NLGN1: variants seen among roughly 807,000 people sequenced by gnomAD.
NLGN1 encodes neuroligin 1.
NLGN1 carries 12 observed loss-of-function variants against 65.5 expected under a neutral mutation model. That is an observed-to-expected ratio of 0.18 (90% CI 0.12 to 0.30). NLGN1 has a LOEUF of 0.30. Ranked by LOEUF, NLGN1 falls within the 10% of genes least tolerant of loss-of-function variation. The pLI is 1.00. For synonymous variants in NLGN1, 350 were observed against 359.5 expected (o/e 0.97, Z 0.30); for missense variants, 750 against 1,007.1 (o/e 0.74, Z 3.46).
At chr3:173,812,950 G>A (rs1718273390) in intron 4 of NLGN1, among the ~76,000 whole-genome samples, 1 of 150,358 alleles carries the variant, frequency 6.7e-6, no homozygotes, top group South Asian at 2.1e-4. Flanking sequence ...GAGAAAAACA[G>A]TAGAGAATAA....
intron 4 of NLGN1, among the ~76,000 whole-genome samples, chr3:173,821,656 A>G (rs4894631): frequency 0.13 from 19,446 of 152,098 alleles, 1,419 homozygotes; most frequent in African/African-American, 0.2. Flanking sequence ...TTTATAGTCT[A>G]CAATTCATAT....
rs116680613 is a variant in NLGN1 at position 173,459,758 on chromosome 3, G to A, written c.-321+24680G>A. 1.4e-3 allele frequency among the ~76,000 whole-genome samples: 214 copies of A among 152,126 alleles called. 2 individuals carry two copies. Among genetic ancestry groups the A allele is most frequent in the Non-Finnish European group, 2.4e-3 (165 of 67,978 alleles). ...AGCCATACACAGACCTATTTCAAGA[G>A]TCCTTATAATATGTTTGAGTAATAG... is the stretch of plus-strand genomic sequence containing the variant. On this transcript the variant is annotated intron_variant, in intron 2 of 6. Coordinates refer to ENST00000457714, the Ensembl canonical transcript of NLGN1.
intron 2 of NLGN1, among the ~76,000 whole-genome samples, chr3:173,544,535 T>C (rs545521558): frequency 2.3e-4 from 35 of 152,060 alleles, no homozygotes; most frequent in South Asian, 8.3e-4. Flanking sequence ...TTCCATTCCC[T>C]GAAAATGAGA....
chr3:174,040,171 T>C (rs1322652508), intron 4 of NLGN1, among the ~76,000 whole-genome samples: 1 of 152,132 alleles, frequency 6.6e-6, no homozygotes, highest in African/African-American at 2.4e-5. Context: ...TTTTTTGGCC[T>C]ACTCCCCTCT....
chr3:174,136,734 G>A (rs1721289505), intron 4 of NLGN1, among the ~76,000 whole-genome samples: 1 of 152,072 alleles, frequency 6.6e-6, no homozygotes, highest in Non-Finnish European at 1.5e-5. Flanking sequence ...TAGCTTTATT[G>A]CAGCACTTAT....
intron 3 of NLGN1, among the ~76,000 whole-genome samples, chr3:173,646,857 G>A (rs1489032806): frequency 6.6e-6 from 1 of 152,064 alleles, no homozygotes; most frequent in Non-Finnish European, 1.5e-5. Context: ...TCACATTGAA[G>A]GCAAATGTTT....
chr3:173,537,191 A>G (rs1463456647), intron 2 of NLGN1, among the ~76,000 whole-genome samples: 1 of 152,174 alleles, frequency 6.6e-6, no homozygotes, highest in African/African-American at 2.4e-5. Flanking sequence ...CAGGTTGACA[A>G]ATAAAATTAA....
At chr3:173,784,241 A>G (rs1781614382) in intron 3 of NLGN1, among the ~76,000 whole-genome samples, 1 of 152,170 alleles carries the variant, frequency 6.6e-6, no homozygotes, top group Non-Finnish European at 1.5e-5. Context: ...GTAAAACTTG[A>G]GTTTCAACAG....
chr3:173,475,783 AT>A (rs1365477830), intron 2 of NLGN1, among the ~76,000 whole-genome samples: 1 of 152,160 alleles, frequency 6.6e-6, no homozygotes, highest in African/African-American at 2.4e-5. Context: ...GATTTACAAA[AT>A]TTTTGGATGT....
At chr3:173,763,841 T>C (rs1458488713) in intron 3 of NLGN1, among the ~76,000 whole-genome samples, 2 of 151,962 alleles carry the variant, frequency 1.3e-5, no homozygotes, top group African/African-American at 4.8e-5. Flanking sequence ...GGAAACAATA[T>C]GAGGAATGTT....
chr3:174,118,215 C>G (rs749941106), intron 4 of NLGN1, among the ~76,000 whole-genome samples: 9 of 151,980 alleles, frequency 5.9e-5, no homozygotes, highest in Non-Finnish European at 8.8e-5. Context: ...TTCTCATGAC[C>G]CTAATCACTT....
intron 4 of NLGN1, among the ~76,000 whole-genome samples, chr3:174,021,484 A>G (rs1171218421): frequency 6.6e-6 from 1 of 152,142 alleles, no homozygotes; most frequent in Non-Finnish European, 1.5e-5. Context: ...CATCCAAGGA[A>G]AACAATAAGA....
chr3:173,764,293 A>G (rs1463347587), intron 3 of NLGN1, among the ~76,000 whole-genome samples: 1 of 152,200 alleles, frequency 6.6e-6, no homozygotes, highest in Non-Finnish European at 1.5e-5. Flanking sequence ...ATGTGCAGAA[A>G]GTAGGTGATA....
At chr3:173,408,253 C>T (rs1481409189) in intron 1 of NLGN1, among the ~76,000 whole-genome samples, 3 of 152,094 alleles carry the variant, frequency 2.0e-5, no homozygotes, top group Non-Finnish European at 4.4e-5. Flanking sequence ...CCAAGCAGTC[C>T]CTCCAGATTT....
At chr3:173,703,113 A>G (rs1367103993) in intron 3 of NLGN1, among the ~76,000 whole-genome samples, 3 of 152,028 alleles carry the variant, frequency 2.0e-5, no homozygotes, top group Non-Finnish European at 4.4e-5. Flanking sequence ...AACACTACCA[A>G]TAACTTCAAC....
chr3:174,124,890 C>T (rs1446871541), intron 4 of NLGN1, among the ~76,000 whole-genome samples: 1 of 151,948 alleles, frequency 6.6e-6, no homozygotes, highest in African/African-American at 2.4e-5. Flanking sequence ...TTTAAGCTAA[C>T]ACTTGAAATT....
rs2148670043 is a variant in NLGN1, at chr3:173,415,989, G to T, written c.-390+17502G>T. On this transcript the variant is annotated intron_variant, in intron 1 of 6. Transcript: ENST00000457714. ...CACAATAAGAGTGCATACATAAAAT[G>T]AATATTAGCTATTACCAGGTGTGAT... Among the ~76,000 whole-genome samples the T allele has an allele frequency of 1.3e-5, 2 of 150,420 alleles. 1 individual carries two copies. The highest frequency in any genetic ancestry group is 4.2e-4 in the South Asian group (2 of 4,734).
chr3:173,602,049 C>A (rs548455964), intron 2 of NLGN1, among the ~76,000 whole-genome samples: 1 of 152,138 alleles, frequency 6.6e-6, no homozygotes, highest in Non-Finnish European at 1.5e-5. Flanking sequence ...CAGATAGCAA[C>A]GGGCTCCTGG....
exon 7 of NLGN1, chr3:174,286,480 C>G (rs1283065412): frequency 6.6e-6 from 1 of 151,458 alleles, no homozygotes; most frequent in African/African-American, 2.4e-5. Context: ...GGTTTTGATT[C>G]ATCCTTTCTC....
Sources: allele counts gnomAD v4.1 joint callset (sites outside exome capture counted in the v4.1 genomes callset), GRCh38; gene constraint gnomAD v4.1.1; transcripts MANE v1.5; gene names NCBI Gene and HGNC (gene_info 2026-07-23, HGNC 2026-07-21).